The following COQ8B variants were observed in gnomAD, a reference collection of about 807,000 sequenced individuals.
COQ8B encodes the protein coenzyme Q8B.
COQ8B carries 44 observed loss-of-function variants against 62.0 expected under a neutral mutation model. The ratio of observed to expected loss-of-function variants is 0.71; its 90% CI spans 0.56 to 0.91. COQ8B has a LOEUF of 0.91. COQ8B is among the 40% of genes least tolerant of loss of function. The pLI, the probability that COQ8B is intolerant of heterozygous loss-of-function variation, is 0.00. For missense variants in COQ8B, 649 were observed against 731.6 expected (o/e 0.89, Z 1.30); for synonymous variants, 252 against 289.9 (o/e 0.87, Z 1.33).
At chr19:40,696,163 C>A in intron 12 of COQ8B, 109 bp from the exon 13 acceptor site, 1 of 1,258,220 alleles carries the variant, frequency 7.9e-7, no homozygotes, top group South Asian at 1.2e-5. Flanking sequence ...CTGCTCCTGC[C>A]AGAGTCCCTG....
intron 4 of COQ8B, among the ~76,000 whole-genome samples, chr19:40,710,935 C>T (rs7245915): frequency 3.1e-4 from 47 of 152,166 alleles, no homozygotes; most frequent in African/African-American, 1.1e-3. Flanking sequence ...AGGTCGAGAC[C>T]AGCCTGGCCA....
chr19:40,700,706 C>T lies in COQ8B; in HGVS notation c.894-255G>A, dbSNP rs1242320898. ...GCTGCTGGAAACCCAGTCACCACTT[C>T]CCTACCCGAAACCCTTCTATGACTT... On this transcript the variant is annotated intron_variant, in intron 10 of 14. Coordinates refer to ENST00000324464, the MANE Select transcript of COQ8B (RefSeq NM_024876.4). 8.3e-5 allele frequency: 41 copies of T among 493,530 alleles called. 1 individual carries two copies. The South Asian group carries it at 1.3e-3, about 16-fold the overall frequency. 30.6% of individuals were successfully genotyped at this position (493,530 alleles called of 1,614,324 possible). A position where few individuals can be genotyped will look rare whatever the true frequency, so the allele number is the denominator to read the frequency against.
At chr19:40,695,053 C>T (rs930715195) in intron 13 of COQ8B, among the ~76,000 whole-genome samples, 5 of 152,222 alleles carry the variant, frequency 3.3e-5, no homozygotes, top group African/African-American at 1.2e-4. Flanking sequence ...CAGGAGGGCT[C>T]ATGCCTGTAA....
intron 5 of COQ8B, among the ~76,000 whole-genome samples, chr19:40,708,923 C>A (rs2082120471): frequency 7.5e-6 from 1 of 132,990 alleles, no homozygotes; most frequent in Non-Finnish European, 1.7e-5. Flanking sequence ...CAGCAAGACC[C>A]TGTCTCCAAA....
chr19:40,695,927 T>C, intron 13 of COQ8B, 62 bp downstream of exon 13: 2 of 1,524,084 alleles, frequency 1.3e-6, no homozygotes, highest in South Asian at 2.3e-5. Context: ...CTTACTCCTC[T>C]GCCTCAGTAT....
At chr19:40,712,852 A>C (rs2082153035) in intron 4 of COQ8B, among the ~76,000 whole-genome samples, 1 of 152,202 alleles carries the variant, frequency 6.6e-6, no homozygotes, top group Non-Finnish European at 1.5e-5. Flanking sequence ...TCATGTACGG[A>C]ATAGAACACT....
In COQ8B at chr19:40,692,022, C is replaced by A; in HGVS notation, c.*13G>T. ...ACGGCCTGCTCTGGGGACTGAATCC[C>A]CCATGGAGGCTGTCATGAGGGATCC... is the stretch of plus-strand genomic sequence containing the variant. On this transcript the variant is annotated 3_prime_UTR_variant, in exon 15 of 15. Transcript: ENST00000324464. The A allele has an allele frequency of 6.3e-7, 1 of 1,585,672 alleles. No individual in the cohort carries two copies. The highest frequency in any genetic ancestry group is 2.3e-5 in the East Asian group (1 of 43,654).
At chr19:40,710,163 G>T in intron 4 of COQ8B, 27 bp from the exon 5 acceptor site, 4 of 1,610,518 alleles carry the variant, frequency 2.5e-6, no homozygotes, top group Non-Finnish European at 3.4e-6. Context: ...GAACATGAGT[G>T]CCCGTTTGCC....
Position 40,715,176 on chromosome 19 carries a change from G to A in COQ8B, c.-3-541C>T. The A allele has an allele frequency of 4.1e-6, 4 of 985,602 alleles. No individual in the cohort carries two copies. The South Asian group carries it at 1.8e-4, about 45-fold the overall frequency. 61.1% of individuals were successfully genotyped at this position (985,602 alleles called of 1,614,324 possible). A position where few individuals can be genotyped will look rare whatever the true frequency, so the allele number is the denominator to read the frequency against. Reference sequence around the variant, plus strand: ...GCGGCAGCAACTCGCTGACTGGCACGGAGTTTCTCCATCTGTGCGCGGGGG... The same window carrying A: ...GCGGCAGCAACTCGCTGACTGGCACAGAGTTTCTCCATCTGTGCGCGGGGG... On this transcript the variant is annotated intron_variant, in intron 1 of 14. Coordinates refer to ENST00000324464, the MANE Select transcript of COQ8B (RefSeq NM_024876.4).
rs956642531 is a variant in COQ8B at position 40,714,840 on chromosome 19, C to T, written c.-3-205G>A. 4.5e-6 allele frequency: 6 copies of T among 1,348,082 alleles called. No individual in the cohort carries two copies. The Admixed American group carries it at 2.2e-4, about 49-fold the overall frequency. 83.5% of individuals were successfully genotyped at this position (1,348,082 alleles called of 1,614,324 possible). On this transcript the variant is annotated intron_variant, in intron 1 of 14. Transcript: ENST00000324464. ...TGCAGGCCTCCCAAAACCCACTTTC[C>T]CCCCTCTCCCAACCCTCGCCGTTGC...
intron 4 of COQ8B, 84 bp downstream of exon 4, chr19:40,713,983 G>A: frequency 2.1e-6 from 3 of 1,435,490 alleles, no homozygotes; most frequent in Non-Finnish European, 2.9e-6. Context: ...TCCTGTCTCT[G>A]ATTCATCCTC....
Position 40,705,517 on chromosome 19 carries a change from G to A in COQ8B, c.368-70C>T, listed in dbSNP as rs1451414422. 1.1e-5 allele frequency: 16 copies of A among 1,460,958 alleles called. No individual in the cohort carries two copies. In the Admixed American group the frequency reaches 1.9e-4, roughly 18 times the overall value. The allele number at this position is 1,460,958 out of a possible 1,614,324, so 90.5% of individuals were successfully genotyped here. Reference sequence around the variant, plus strand: ...ACTGCGGCCAGGCCCGGCGGCCCACGCCTGTAATCCCAGCACTTTGGGAGA... The same window carrying A: ...ACTGCGGCCAGGCCCGGCGGCCCACACCTGTAATCCCAGCACTTTGGGAGA... On this transcript the variant is annotated intron_variant, in intron 5 of 14. Coordinates refer to ENST00000324464, the MANE Select transcript of COQ8B (RefSeq NM_024876.4).
intron 13 of COQ8B, 31 bp from the exon 14 acceptor site, chr19:40,693,068 A>T: frequency 1.9e-6 from 3 of 1,598,328 alleles, no homozygotes; most frequent in Non-Finnish European, 2.6e-6. Flanking sequence ...TAGAGGGACA[A>T]AGGCCGGGGC....
At chr19:40,708,289 T>C (rs968930571) in intron 5 of COQ8B, 1 of 151,884 alleles carries the variant, frequency 6.6e-6, no homozygotes, top group African/African-American at 2.4e-5. Context: ...AGTTCAAAGC[T>C]GCAGTGAGCC....
chr19:40,701,632 G>A (rs931719530), intron 10 of COQ8B, among the ~76,000 whole-genome samples: 2 of 152,042 alleles, frequency 1.3e-5, no homozygotes, highest in Non-Finnish European at 2.9e-5. Context: ...GCATTTAATC[G>A]GCACACTCCC....
At chr19:40,713,893 AT>A (rs2082163198) in intron 4 of COQ8B, among the ~76,000 whole-genome samples, 173 bp downstream of exon 4, 1 of 151,838 alleles carries the variant, frequency 6.6e-6, no homozygotes, top group African/African-American at 2.4e-5. Context: ...AAAAAAAAAA[AT>A]TATCATTTAT....
chr19:40,708,643 C>A (rs2082118285), intron 5 of COQ8B, among the ~76,000 whole-genome samples: 1 of 151,764 alleles, frequency 6.6e-6, no homozygotes, highest in Non-Finnish European at 1.5e-5. Context: ...AAAAAAATAT[C>A]CAGGCTGGGT....
intron 13 of COQ8B, among the ~76,000 whole-genome samples, chr19:40,694,606 A>G (rs2604882): frequency 0.57 from 87,194 of 151,942 alleles, 25,589 homozygotes; most frequent in African/African-American, 0.68. Flanking sequence ...AGCATCTTAC[A>G]CCCACCTCCA....
intron 5 of COQ8B, among the ~76,000 whole-genome samples, 159 bp from the exon 6 acceptor site, chr19:40,705,606 T>G (rs2082094736): frequency 6.6e-6 from 1 of 151,782 alleles, no homozygotes; most frequent in Non-Finnish European, 1.5e-5. Context: ...CTTTCTCTAT[T>G]AAAAAAAATA....
Sources: allele counts gnomAD v4.1 joint callset (sites outside exome capture counted in the v4.1 genomes callset), GRCh38; gene constraint gnomAD v4.1.1; transcripts MANE v1.5; gene names NCBI Gene and HGNC (gene_info 2026-07-23, HGNC 2026-07-21).